Variants in USP19 observed in about 807,000 individuals in gnomAD.
USP19 encodes the protein ubiquitin carboxyl-terminal hydrolase 19.
Under a neutral mutation model 144.8 loss-of-function variants are expected in USP19, and 40 were observed. The observed-to-expected ratio is 0.28, with a 90% confidence interval of 0.21 to 0.36. The LOEUF is 0.36. USP19 is among the 10% of genes least tolerant of loss of function. USP19 has a pLI of 1.00. For synonymous variants in USP19, 701 were observed against 709.3 expected (o/e 0.99, Z 0.19); for missense variants, 1,518 against 1,822.5 (o/e 0.83, Z 3.04).
Position 49,114,295 on chromosome 3 carries a change from A to G in USP19, c.2293-11T>C. Reference sequence around the variant, plus strand: ...AAAAGTGATGGAGACCTGTGGATGTAGAGGTGGCACTGGGTAGCTGCACAC... The same window carrying G: ...AAAAGTGATGGAGACCTGTGGATGTGGAGGTGGCACTGGGTAGCTGCACAC... On this transcript the variant is annotated splice_polypyrimidine_tract_variant and intron_variant, in intron 15 of 26. Coordinates refer to ENST00000417901, the MANE Select transcript of USP19 (RefSeq NM_001199161.2). The surrounding 1 kb of genome is among the most constrained non-coding windows in gnomAD (Gnocchi z 4.5). 6.2e-7 allele frequency: 1 copy of G among 1,612,896 alleles called. No individual in the cohort carries two copies. The highest frequency in any genetic ancestry group is 8.5e-7 in the Non-Finnish European group (1 of 1,178,894).
Position 49,116,838 on chromosome 3 carries a change from G to C in USP19, c.1015C>G (p.Pro339Ala). The C allele has an allele frequency of 1.2e-6, 2 of 1,614,156 alleles. No individual in the cohort carries two copies. Among genetic ancestry groups the C allele is most frequent in the Non-Finnish European group, 1.7e-6 (2 of 1,180,038 alleles). Residue 339 changes from proline (P) to alanine (A), a missense_variant, in exon 7 of 27, where the codon CCC (proline) becomes GCC (alanine). Pro to Ala is a conservative substitution (Grantham distance 27). Around this residue, in one of 5 missense-constraint regions of USP19, gnomAD observed 707 missense variants for 728.9 expected, o/e 0.97. Coordinates refer to ENST00000417901, the MANE Select transcript of USP19 (RefSeq NM_001199161.2). The surrounding 1 kb of genome is among the most constrained non-coding windows in gnomAD (Gnocchi z 5.0). ...APLAGEKAVP[P>A]GNDPVSPAMV... is the part of the protein sequence containing the mutation. ...GCTGGAGAGACTGGGTCATTCCCGG[G>C]AGGCACTGCTTTCTCTCCTGCCAAA...
Position 49,114,878 on chromosome 3 carries a change from G to A in USP19, c.2182-5C>T. ...CCATGCTTCCTCAGCTACCACCTGA[G>A]AGGCAGAGTGGTGAGAACCAAAGAG... On this transcript the variant is annotated splice_polypyrimidine_tract_variant and splice_region_variant and intron_variant, in intron 14 of 26. Coordinates refer to ENST00000417901, the MANE Select transcript of USP19 (RefSeq NM_001199161.2). The surrounding 1 kb of genome is among the most constrained non-coding windows in gnomAD (Gnocchi z 4.5). 2 of 1,614,196 alleles carry A rather than the reference G, an allele frequency of 1.2e-6. No individual in the cohort carries two copies. Among genetic ancestry groups the A allele is most frequent in the Non-Finnish European group, 8.5e-7 (1 of 1,180,036 alleles).
chr3:49,110,523 G>A lies in USP19; in HGVS notation c.3780C>T (p.His1260=). The A allele has an allele frequency of 6.2e-7, 1 of 1,614,184 alleles. No homozygotes were observed. Among genetic ancestry groups the A allele is most frequent in the South Asian group, 1.1e-5 (1 of 91,086 alleles). Residue 1260 remains histidine, a synonymous_variant, in exon 25 of 27, where the codon CAC becomes CAT. Transcript: ENST00000417901. The surrounding 1 kb of genome is among the most constrained non-coding windows in gnomAD (Gnocchi z 6.1). The stretch of plus-strand genomic sequence containing the variant: ...AGTGGCCACCAATCATGCCTCCATA[G>A]TGGTTGATGACAGCATATAGATCGT... ...PSYDLYAVIN[H]YGGMIGGHYT... is the part of the protein sequence containing the mutation.
chr3:49,115,944 C>T lies in USP19; in HGVS notation c.1472G>A (p.Gly491Asp), dbSNP rs2044026747. The T allele has an allele frequency of 4.5e-6, 7 of 1,552,914 alleles. No homozygotes were observed. Among genetic ancestry groups the T allele is most frequent in the Non-Finnish European group, 5.2e-6 (6 of 1,152,086 alleles). ...GGCAACCTTTGCACCACCCACTGCA[C>T]CTTAAAAAGGGGGAATGAGAGGGCT... ...WGGLEAPAAR[G>D]AVGGAKVAVP... Residue 491 changes from glycine (G) to aspartate (D), a missense_variant and splice_region_variant, in exon 11 of 27, where the codon GGT becomes GAT. By Grantham distance (94) the Gly-to-Asp change is moderately conservative. This residue lies in a region of USP19 where 707 missense variants were observed against 728.9 expected (regional missense o/e 0.97). Transcript: ENST00000417901. This position sits in a 1 kb window ranked among gnomAD's most constrained non-coding sequence, Gnocchi z 6.6.
intron 26 of USP19, chr3:49,109,031 C>T: frequency 6.2e-7 from 1 of 1,613,578 alleles, no homozygotes. Flanking sequence ...CGCCACGGTG[C>T]CCAGGACAAA....
chr3:49,114,177 G>A lies in USP19; in HGVS notation c.2400C>T (p.Ile800=). ...AGGGTAGGGGCTTACTCCTCACCTT[G>A]ATGGGCTTGCTGTGGGGCTCTCGGG... ...YFAREPHSKP[I]KFLVSVSKEN... Residue 800 remains isoleucine (I), a synonymous_variant, in exon 16 of 27, where the codon ATC becomes ATT. Coordinates refer to ENST00000417901, the MANE Select transcript of USP19 (RefSeq NM_001199161.2). This position sits in a 1 kb window ranked among gnomAD's most constrained non-coding sequence, Gnocchi z 4.5. The A allele has an allele frequency of 1.2e-6, 2 of 1,614,162 alleles. No individual in the cohort carries two copies. The highest frequency in any genetic ancestry group is 8.5e-7 in the Non-Finnish European group (1 of 1,180,020).
At chr3:49,113,192 C>T (rs1431298125) in intron 17 of USP19, among the ~76,000 whole-genome samples, 3 of 152,348 alleles carry the variant, frequency 2.0e-5, no homozygotes, top group East Asian at 3.9e-4. Context: ...GAACTGAGGG[C>T]ACTTCTGTTG....
At chr3:49,119,403 C>A (rs546344491) in intron 1 of USP19, 122 bp from the exon 2 acceptor site, 2 of 415,030 alleles carry the variant, frequency 4.8e-6, no homozygotes, top group African/African-American at 4.1e-5. Context: ...TCTTAAGTAC[C>A]CCTGGACACT....
rs538951052 is a variant in USP19, at chr3:49,108,466, G to A, written c.4101C>T (p.Ala1367=). Residue 1367 remains alanine (A), a synonymous_variant, in exon 27 of 27, where the codon GCC becomes GCT. Coordinates refer to ENST00000417901, the MANE Select transcript of USP19 (RefSeq NM_001199161.2). This position sits in a 1 kb window ranked among gnomAD's most constrained non-coding sequence, Gnocchi z 4.8. ...APTRTAPERF[A]PPVDRPAPTY... is the part of the protein sequence containing the mutation. The stretch of plus-strand genomic sequence containing the variant: ...TGGGGGCTGGCCGATCCACAGGGGG[G>A]GCGAAGCGTTCAGGGGCTGTCCGCG... 30 of 1,351,820 alleles carry A rather than the reference G, an allele frequency of 2.2e-5. 2 individuals carry two copies. In the South Asian group the frequency reaches 4.3e-4, roughly 19 times the overall value. 83.7% of individuals were successfully genotyped at this position (1,351,820 alleles called of 1,614,324 possible).
chr3:49,110,645 C>T lies in USP19; in HGVS notation c.3699-41G>A, dbSNP rs1286902049. On this transcript the variant is annotated intron_variant, in intron 24 of 26. Transcript: ENST00000417901. The surrounding 1 kb of genome is among the most constrained non-coding windows in gnomAD (Gnocchi z 6.1). ...AGTCAGGGAGGGGTGAGACAGGCAACAGGCGCTCAGGATGCCCATCCTGGT... is the reference window on the plus strand; with the variant it reads ...AGTCAGGGAGGGGTGAGACAGGCAATAGGCGCTCAGGATGCCCATCCTGGT... 6 of 1,611,478 alleles carry T rather than the reference C, an allele frequency of 3.7e-6. 1 individual carries two copies. In the South Asian group the frequency reaches 5.5e-5, roughly 15 times the overall value.
Position 49,115,024 on chromosome 3 carries a change from C to G in USP19, c.2116G>C (p.Asp706His). 6.2e-7 allele frequency: 1 copy of G among 1,614,172 alleles called. No homozygotes were observed. Residue 706 changes from aspartate to histidine, a missense_variant, in exon 14 of 27, where the codon GAC (aspartate) becomes CAC (histidine). By Grantham distance (81) the Asp-to-His change is moderately conservative (BLOSUM62 -1). Coordinates refer to ENST00000417901, the MANE Select transcript of USP19 (RefSeq NM_001199161.2). The surrounding 1 kb of genome is among the most constrained non-coding windows in gnomAD (Gnocchi z 6.6). ...MAFLLDGLHEDLNRIQNKPYT... is the reference protein window; with the variant it reads ...MAFLLDGLHEHLNRIQNKPYT... Reference sequence around the variant, plus strand: ...GGCTTGTTCTGAATGCGATTCAGGTCCTCGTGCAGCCCATCCAGCAGGAAA... The same window carrying G: ...GGCTTGTTCTGAATGCGATTCAGGTGCTCGTGCAGCCCATCCAGCAGGAAA...
At chr3:49,113,225 C>T (rs985744477) in intron 17 of USP19, among the ~76,000 whole-genome samples, 11 of 152,186 alleles carry the variant, frequency 7.2e-5, no homozygotes, top group Non-Finnish European at 1.6e-4. Context: ...AACAGCACAT[C>T]GCCTGTTTTT....
chr3:49,110,579 T>A lies in USP19; in HGVS notation c.3724A>T (p.Ile1242Phe), dbSNP rs1297718136. Reference sequence around the variant, plus strand: ...GGCAGCTGCTCCTCTTTCTGACCAATGCAGAACTTGCTCAGGTCCAGGTTC... The same window carrying A: ...GGCAGCTGCTCCTCTTTCTGACCAAAGCAGAACTTGCTCAGGTCCAGGTTC... Reference protein sequence around the residue: ...VRNLDLSKFCIGQKEEQLPSY... With the variant: ...VRNLDLSKFCFGQKEEQLPSY... The change falls in exon 25 of 27, where the codon ATT (isoleucine) becomes TTT (phenylalanine). Residue 1242 changes from isoleucine (I) to phenylalanine (F), a missense_variant. This residue lies in a region of USP19 where 122 missense variants were observed against 200.4 expected (regional missense o/e 0.61). Transcript: ENST00000417901. This position sits in a 1 kb window ranked among gnomAD's most constrained non-coding sequence, Gnocchi z 6.1. 6.2e-7 allele frequency: 1 copy of A among 1,613,840 alleles called. No homozygotes were observed. The highest frequency in any genetic ancestry group is 2.2e-5 in the East Asian group (1 of 44,890).
At position 49,110,089 on chromosome 3, in the gene USP19, G is replaced by T. The variant is rs1284589281; in HGVS notation, c.4038+95C>A. ...TCTCATGAATCCCAAGGCTCAATGGGCCTGTGGCTGGAGGAGAGGAAGCTA... is the reference window on the plus strand; with the variant it reads ...TCTCATGAATCCCAAGGCTCAATGGTCCTGTGGCTGGAGGAGAGGAAGCTA... On this transcript the variant is annotated intron_variant, in intron 26 of 26. Coordinates refer to ENST00000417901, the MANE Select transcript of USP19 (RefSeq NM_001199161.2). The surrounding 1 kb of genome is among the most constrained non-coding windows in gnomAD (Gnocchi z 6.1). 2.9e-6 allele frequency: 4 copies of T among 1,364,126 alleles called. No individual in the cohort carries two copies. Among genetic ancestry groups the T allele is most frequent in the East Asian group, 5.0e-5 (2 of 40,260 alleles). The allele number at this position is 1,364,126 out of a possible 1,614,324, so 84.5% of individuals were successfully genotyped here. A position where few individuals can be genotyped will look rare whatever the true frequency, so the allele number is the denominator to read the frequency against.
rs1358989509 is a variant in USP19 at position 49,117,124 on chromosome 3, C to A, written c.844G>T (p.Gly282Trp). Residue 282 changes from glycine to tryptophan, a missense_variant, in exon 6 of 27, where the codon GGG becomes TGG. Gly to Trp is a radical substitution (Grantham distance 184). This residue lies in a region of USP19 where 707 missense variants were observed against 728.9 expected (regional missense o/e 0.97). Transcript: ENST00000417901. The surrounding 1 kb of genome is among the most constrained non-coding windows in gnomAD (Gnocchi z 4.4). ...CGGGGTCCAGGGTCATCCCTGGACC[C>A]GTCCCCCTCTGGCCCTCTGCAGAGA... Reference protein sequence around the residue: ...VHLCRGPEGDGSRDDPGPRGD... With the variant: ...VHLCRGPEGDWSRDDPGPRGD... 1.9e-6 allele frequency: 3 copies of A among 1,543,152 alleles called. No homozygotes were observed. Among genetic ancestry groups the A allele is most frequent in the Non-Finnish European group, 2.6e-6 (3 of 1,143,300 alleles).
chr3:49,111,418 G>C lies in USP19; in HGVS notation c.3218-53C>G. The C allele has an allele frequency of 6.2e-7, 1 of 1,613,318 alleles. No individual in the cohort carries two copies. Among genetic ancestry groups the C allele is most frequent in the Non-Finnish European group, 8.5e-7 (1 of 1,179,594 alleles). The stretch of plus-strand genomic sequence containing the variant: ...TCCCTGCCCATCAGGGCCTCACCAG[G>C]CCCACCAGGCCCTAAACAACAGCCC... On this transcript the variant is annotated intron_variant, in intron 21 of 26. Coordinates refer to ENST00000417901, the MANE Select transcript of USP19 (RefSeq NM_001199161.2). The surrounding 1 kb of genome is among the most constrained non-coding windows in gnomAD (Gnocchi z 5.9).
chr3:49,114,004 C>T lies in USP19; in HGVS notation c.2493G>A (p.Leu831=), dbSNP rs370472876. ...SQSVHVKPEN[L]RLAEVIKNRF... is the part of the protein sequence containing the mutation. Reference sequence around the variant, plus strand: ...AGGACAAAGATACCTCCGCCAAACGCAGGTTCTCAGGCTTCACATGAACAC... The same window carrying T: ...AGGACAAAGATACCTCCGCCAAACGTAGGTTCTCAGGCTTCACATGAACAC... The change falls in exon 17 of 27, where the codon CTG becomes CTA. Residue 831 remains leucine, a synonymous_variant. Transcript: ENST00000417901. This position sits in a 1 kb window ranked among gnomAD's most constrained non-coding sequence, Gnocchi z 4.5. 1.1e-5 allele frequency: 18 copies of T among 1,614,188 alleles called. No homozygotes were observed. The highest frequency in any genetic ancestry group is 6.7e-5 in the East Asian group (3 of 44,888).
Position 49,115,623 on chromosome 3 carries a change from A to G in USP19, c.1709T>C (p.Met570Thr), listed in dbSNP as rs897476015. The G allele has an allele frequency of 1.2e-6, 2 of 1,609,118 alleles. No homozygotes were observed. Among genetic ancestry groups the G allele is most frequent in the Non-Finnish European group, 1.7e-6 (2 of 1,177,620 alleles). ...THLASPKPTC[M>T]VPPMPHSPVS... is the part of the protein sequence containing the mutation. ...TGGGCTGTGGGGCATGGGAGGCACC[A>G]TGCATGTAGGCTTGGGCTGCAGGAG... Residue 570 changes from methionine (M) to threonine (T), a missense_variant, in exon 12 of 27, where the codon ATG becomes ACG. This residue lies in a region of USP19 where 158 missense variants were observed against 277.3 expected (regional missense o/e 0.57). Coordinates refer to ENST00000417901, the MANE Select transcript of USP19 (RefSeq NM_001199161.2). This position sits in a 1 kb window ranked among gnomAD's most constrained non-coding sequence, Gnocchi z 6.6.
intron 26 of USP19, chr3:49,109,983 G>A (rs2042894609): frequency 3.7e-6 from 2 of 536,352 alleles, no homozygotes; most frequent in African/African-American, 3.9e-5. Flanking sequence ...CAGCATGTTA[G>A]TGTACTTGTA....
Sources: gnomAD v4.1 joint callset for allele counts (sites outside exome capture counted in the v4.1 genomes callset) on GRCh38, gnomAD v4.1.1 for gene constraint, gnomAD v4.1.1 regional missense constraint, Gnocchi (gnomAD v3.1) non-coding constraint, MANE v1.5 for transcripts, NCBI Gene and HGNC (gene_info 2026-07-23, HGNC 2026-07-21) for gene names.